CDH13: variants seen among roughly 807,000 people sequenced by gnomAD.
CDH13 encodes the protein cadherin-13.
Under a neutral mutation model 63.8 loss-of-function variants are expected in CDH13, and 24 were observed. The ratio of observed to expected loss-of-function variants is 0.38; its 90% CI spans 0.27 to 0.53. The LOEUF is 0.53. Among genes scored for constraint, CDH13 ranks in the 20% least tolerant of loss-of-function variants. CDH13 has a pLI of 0.85. For missense variants in CDH13, 1,049 were observed against 903.1 expected, an observed-to-expected ratio of 1.16 and a Z score of -2.07; for synonymous variants, 503 against 355.3, an observed-to-expected ratio of 1.42 and a Z score of -4.67.
intron 3 of CDH13, among the ~76,000 whole-genome samples, chr16:83,035,334 A>G (rs2151479594): frequency 6.6e-6 from 1 of 152,244 alleles, no homozygotes; most frequent in South Asian, 2.1e-4. Context: ...GCTAACAGTG[A>G]TGGATGATCT....
In CDH13 at chr16:83,140,219, G is replaced by A. The variant is rs866390551; in HGVS notation, c.483+14718G>A. On this transcript the variant is annotated intron_variant, in intron 4 of 13. Transcript: ENST00000567109. ...TGCTGACAAGCCCAGCTCCATGGCCGGCCCACACTTTGAGGAGCTCCACTT... is the reference window on the plus strand; with the variant it reads ...TGCTGACAAGCCCAGCTCCATGGCCAGCCCACACTTTGAGGAGCTCCACTT... 4.6e-5 allele frequency among the ~76,000 whole-genome samples: 7 copies of A among 152,210 alleles called. No homozygotes were observed. The South Asian group carries it at 6.2e-4, about 14-fold the overall frequency.
chr16:83,499,344 T>G (rs909678609), intron 7 of CDH13, among the ~76,000 whole-genome samples: 5 of 152,236 alleles, frequency 3.3e-5, no homozygotes, highest in African/African-American at 1.2e-4. Flanking sequence ...GTGTGATGTT[T>G]TAGGAGTGGT....
intron 6 of CDH13, among the ~76,000 whole-genome samples, chr16:83,431,302 G>T (rs973094618): frequency 6.6e-6 from 1 of 151,800 alleles, no homozygotes; most frequent in African/African-American, 2.4e-5. Flanking sequence ...TCTTATAATT[G>T]TTGCATAGTT....
At chr16:83,521,594 G>T (rs1205886980) in intron 7 of CDH13, among the ~76,000 whole-genome samples, 1 of 152,198 alleles carries the variant, frequency 6.6e-6, no homozygotes, top group African/African-American at 2.4e-5. Context: ...GGATGTAAAA[G>T]TCTTAGAAAT....
chr16:82,970,335 G>A (rs1376857202), intron 2 of CDH13, among the ~76,000 whole-genome samples: 1 of 150,764 alleles, frequency 6.6e-6, no homozygotes, highest in Non-Finnish European at 1.5e-5. Flanking sequence ...TCATTGATGG[G>A]CATTTGGGTT....
At chr16:82,922,383 G>A (rs1017832057) in intron 2 of CDH13, among the ~76,000 whole-genome samples, 1 of 152,138 alleles carries the variant, frequency 6.6e-6, no homozygotes, top group Non-Finnish European at 1.5e-5. Flanking sequence ...TACAGAAGAA[G>A]ACATAGGCAG....
chr16:83,321,525 ATTTT>A (rs10672316), intron 5 of CDH13, among the ~76,000 whole-genome samples: 1 of 103,648 alleles, frequency 9.6e-6, no homozygotes, highest in African/African-American at 3.9e-5. Flanking sequence ...GAAATCTGGA[ATTTT>A]TTTTTTTTTT....
chr16:83,337,151 G>T (rs1018219125), intron 5 of CDH13, among the ~76,000 whole-genome samples: 2 of 152,162 alleles, frequency 1.3e-5, no homozygotes, highest in Non-Finnish European at 2.9e-5. Flanking sequence ...CTATTAGTGT[G>T]GTGAATTAAT....
At chr16:82,818,158 T>C (rs773594846) in intron 1 of CDH13, among the ~76,000 whole-genome samples, 3 of 148,504 alleles carry the variant, frequency 2.0e-5, no homozygotes, top group South Asian at 2.1e-4. Flanking sequence ...GACTAATTAC[T>C]CCAGGAGATT....
intron 7 of CDH13, among the ~76,000 whole-genome samples, chr16:83,560,899 G>GCAGC (rs1555573400): frequency 6.7e-6 from 1 of 148,482 alleles, no homozygotes; most frequent in Non-Finnish European, 1.5e-5. Context: ...CATAAGGTTG[G>GCAGC]CCCCCCCCCC....
intron 2 of CDH13, among the ~76,000 whole-genome samples, chr16:82,869,023 T>A (rs114149266): frequency 6.6e-6 from 1 of 152,212 alleles, no homozygotes; most frequent in Non-Finnish European, 1.5e-5. Context: ...TTAATCTATG[T>A]GTGATAACTG....
chr16:83,170,774 G>A (rs1057419288), intron 4 of CDH13, among the ~76,000 whole-genome samples: 6 of 152,084 alleles, frequency 3.9e-5, no homozygotes, highest in Non-Finnish European at 8.8e-5. Flanking sequence ...GTAACAGTGT[G>A]GATGAGAGGT....
At chr16:83,598,766 C>T (rs2150746031) in intron 7 of CDH13, among the ~76,000 whole-genome samples, 1 of 152,304 alleles carries the variant, frequency 6.6e-6, no homozygotes, top group South Asian at 2.1e-4. Flanking sequence ...ATCTCTACCT[C>T]TTAGTCTGTG....
intron 6 of CDH13, among the ~76,000 whole-genome samples, chr16:83,446,281 C>T (rs1410974491): frequency 2.2e-5 from 3 of 138,928 alleles, no homozygotes; most frequent in Non-Finnish European, 4.5e-5. Context: ...CCAGCCTGGG[C>T]GACAGAGTGA....
At chr16:83,711,149 G>A (rs1478186484) in intron 10 of CDH13, among the ~76,000 whole-genome samples, 1 of 152,208 alleles carries the variant, frequency 6.6e-6, no homozygotes, top group African/African-American at 2.4e-5. Flanking sequence ...TCCCCAGTTA[G>A]AAGTATCTGT....
chr16:83,427,996 G>T (rs371137707), intron 6 of CDH13, among the ~76,000 whole-genome samples: 1 of 152,150 alleles, frequency 6.6e-6, no homozygotes, highest in African/African-American at 2.4e-5. Context: ...CTGATCCTCT[G>T]GTCAGTTCCA....
intron 10 of CDH13, among the ~76,000 whole-genome samples, chr16:83,703,729 G>A (rs891822039): frequency 2.0e-5 from 3 of 152,098 alleles, no homozygotes; most frequent in Admixed American, 6.5e-5. Flanking sequence ...AGAAACAAGG[G>A]GCAAGGAGAC....
At chr16:83,527,797 C>G (rs1046540622) in intron 7 of CDH13, among the ~76,000 whole-genome samples, 1 of 152,182 alleles carries the variant, frequency 6.6e-6, no homozygotes, top group East Asian at 1.9e-4. Flanking sequence ...GTGATAATGG[C>G]ACTCACCAAA....
intron 6 of CDH13, among the ~76,000 whole-genome samples, chr16:83,424,232 G>C (rs1021240434): frequency 6.7e-6 from 1 of 149,392 alleles, no homozygotes; most frequent in Non-Finnish European, 1.5e-5. Flanking sequence ...GAACAGTCTA[G>C]AAGAGGAAAA....
Sources: gnomAD v4.1 joint callset for allele counts (sites outside exome capture counted in the v4.1 genomes callset) on GRCh38, gnomAD v4.1.1 for gene constraint, MANE v1.5 for transcripts, NCBI Gene and HGNC (gene_info 2026-07-23, HGNC 2026-07-21) for gene names.